SNX29: variants seen among roughly 807,000 people sequenced by gnomAD.
SNX29 encodes sorting nexin-29.
Under a neutral mutation model 102.1 loss-of-function variants are expected in SNX29, and 78 were observed. The ratio of observed to expected loss-of-function variants is 0.76; its 90% CI spans 0.64 to 0.92. SNX29 has a LOEUF of 0.92. Among genes scored for constraint, SNX29 ranks in the 40% least tolerant of loss-of-function variants. The probability of loss-of-function intolerance (pLI) is 0.00; values close to 1 mark genes in which losing one functional copy is unlikely to be tolerated. For missense variants in SNX29, 1,280 were observed against 1,061.7 expected (o/e 1.21, Z -2.86); for synonymous variants, 580 against 414.5 (o/e 1.40, Z -4.85).
At chr16:12,383,366 C>T (rs2432625) in intron 16 of SNX29, among the ~76,000 whole-genome samples, 71,991 of 152,042 alleles carry the variant, frequency 0.47, 17,228 homozygotes, top group East Asian at 0.59. Context: ...AAACACTTCA[C>T]TATATACATT....
intron 20 of SNX29, among the ~76,000 whole-genome samples, chr16:12,548,503 G>A (rs2077752805): frequency 6.6e-6 from 1 of 152,328 alleles, no homozygotes; most frequent in African/African-American, 2.4e-5. Flanking sequence ...GGGTTGTCTT[G>A]TCTGGACCAG....
intron 14 of SNX29, among the ~76,000 whole-genome samples, chr16:12,264,551 G>A (rs2078870627): frequency 1.3e-5 from 2 of 152,352 alleles, no homozygotes; most frequent in Non-Finnish European, 2.9e-5. Flanking sequence ...GGAGGCTAAA[G>A]CCAGAGGATT....
chr16:12,233,460 G>C (rs949340838), intron 14 of SNX29, among the ~76,000 whole-genome samples: 1 of 152,130 alleles, frequency 6.6e-6, no homozygotes, highest in Non-Finnish European at 1.5e-5. Context: ...GGAGGAGCAA[G>C]GGTTGAAAAA....
At chr16:12,271,595 A>G (rs1473418116) in intron 14 of SNX29, among the ~76,000 whole-genome samples, 1 of 151,652 alleles carries the variant, frequency 6.6e-6, no homozygotes, top group East Asian at 1.9e-4. Flanking sequence ...AATTGGAACC[A>G]TCTTTGTTGA....
chr16:12,156,345 T>G (rs2055549792), intron 13 of SNX29, among the ~76,000 whole-genome samples: 1 of 152,138 alleles, frequency 6.6e-6, no homozygotes, highest in Non-Finnish European at 1.5e-5. Context: ...GGTGAATTTT[T>G]GTATGTTTGG....
At chr16:12,520,209 C>T (rs2090044683) in intron 19 of SNX29, among the ~76,000 whole-genome samples, 1 of 152,128 alleles carries the variant, frequency 6.6e-6, no homozygotes, top group Non-Finnish European at 1.5e-5. Context: ...GAGGATGAGT[C>T]ATGCAGCCCC....
chr16:12,251,103 G>A (rs997082993), intron 14 of SNX29, among the ~76,000 whole-genome samples: 1 of 152,196 alleles, frequency 6.6e-6, no homozygotes, highest in African/African-American at 2.4e-5. Context: ...GAGCATAGGC[G>A]CAAGGCAAAC....
At chr16:12,009,839 G>T (rs1440085059) in intron 3 of SNX29, among the ~76,000 whole-genome samples, 1 of 152,194 alleles carries the variant, frequency 6.6e-6, no homozygotes, top group African/African-American at 2.4e-5. Flanking sequence ...CAGGAGCTTT[G>T]TAGGCCCTAG....
chr16:12,266,676 A>G (rs544669340), intron 14 of SNX29, among the ~76,000 whole-genome samples: 32 of 120,656 alleles, frequency 2.7e-4, no homozygotes, highest in Non-Finnish European at 5.0e-5. Flanking sequence ...GCAATTCCCC[A>G]TCTATTATTG....
chr16:12,383,168 C>T (rs1459834798), intron 16 of SNX29, among the ~76,000 whole-genome samples: 1 of 152,162 alleles, frequency 6.6e-6, no homozygotes, highest in African/African-American at 2.4e-5. Context: ...CACCTCCATT[C>T]CCATCCCCTG....
chr16:12,061,498 C>G (rs2050772874), intron 8 of SNX29, 30 bp from the exon 9 acceptor site: 1 of 1,550,880 alleles, frequency 6.4e-7, no homozygotes, highest in Non-Finnish European at 8.7e-7. Context: ...GCTCTTTGGC[C>G]TGTCCTGCAG....
rs1266812335 is a variant in SNX29 at position 12,566,275 on chromosome 16, C to T, written c.2319-2231C>T. Among the ~76,000 whole-genome samples the T allele has an allele frequency of 4.6e-5, 7 of 152,308 alleles. No homozygotes were observed. In the East Asian group the frequency reaches 9.7e-4, roughly 21 times the overall value. On this transcript the variant is annotated intron_variant, in intron 20 of 20. Coordinates refer to ENST00000566228, the MANE Select transcript of SNX29 (RefSeq NM_032167.5). ...ACCAAGGGTCAGACAGCACTGCCCA[C>T]AGCAGGACTGGACAGAGACACGTGC...
Position 12,556,755 on chromosome 16 carries a change from A to T in SNX29, c.2319-11751A>T, listed in dbSNP as rs3135015. Among the ~76,000 whole-genome samples the T allele has an allele frequency of 2.0e-5, 3 of 152,080 alleles. No homozygotes were observed. In the South Asian group the frequency reaches 6.2e-4, roughly 32 times the overall value. On this transcript the variant is annotated intron_variant, in intron 20 of 20. Transcript: ENST00000566228. ...AATGTGAATAAAGAAAAATTAAGGC[A>T]CCCCCAGAGTTCTGGTTTGAGCATT...
intron 19 of SNX29, among the ~76,000 whole-genome samples, chr16:12,501,096 A>G (rs527745135): frequency 2.0e-5 from 3 of 152,172 alleles, no homozygotes; most frequent in East Asian, 1.9e-4. Flanking sequence ...GCCTCTTCCT[A>G]TGGGCTCTTC....
intron 12 of SNX29, 130 bp from the exon 13 acceptor site, chr16:12,129,500 G>C (rs2054360585): frequency 8.1e-7 from 1 of 1,229,044 alleles, no homozygotes; most frequent in Non-Finnish European, 1.1e-6. Flanking sequence ...AGATAGACTT[G>C]AATTATGGTT....
chr16:12,390,228 C>G (rs1366834224), intron 16 of SNX29, among the ~76,000 whole-genome samples: 1 of 151,858 alleles, frequency 6.6e-6, no homozygotes, highest in Non-Finnish European at 1.5e-5. Flanking sequence ...CAGTTTGCCT[C>G]TTGCCTCCCA....
At chr16:11,985,481 G>A (rs952424333) in intron 1 of SNX29, among the ~76,000 whole-genome samples, 6 of 152,176 alleles carry the variant, frequency 3.9e-5, no homozygotes, top group Non-Finnish European at 8.8e-5. Context: ...GGATCCACGT[G>A]TTAAAGGACT....
chr16:12,176,006 AAAC>A (rs144666243), intron 13 of SNX29, among the ~76,000 whole-genome samples: 84,989 of 151,156 alleles, frequency 0.56, 28,559 homozygotes, highest in Non-Finnish European at 0.73. Flanking sequence ...ACCTTGTCTA[AAAC>A]AACAACAACA....
At chr16:12,525,497 A>C (rs2076754825) in intron 20 of SNX29, among the ~76,000 whole-genome samples, 1 of 152,060 alleles carries the variant, frequency 6.6e-6, no homozygotes, top group African/African-American at 2.4e-5. Flanking sequence ...ACATGTTGAA[A>C]TCCTGTCTCT....
Sources: gnomAD v4.1 joint callset for allele counts (sites outside exome capture counted in the v4.1 genomes callset) on GRCh38, gnomAD v4.1.1 for gene constraint, MANE v1.5 for transcripts, NCBI Gene and HGNC (gene_info 2026-07-23, HGNC 2026-07-21) for gene names.